The following FGFR3 variants were observed in gnomAD, a reference collection of about 807,000 sequenced individuals.
The protein encoded by FGFR3 is FGFR-3.
FGFR3 carries 25 observed loss-of-function variants against 82.9 expected under a neutral mutation model. The observed-to-expected ratio is 0.30, with a 90% confidence interval of 0.22 to 0.42. FGFR3 has a LOEUF of 0.42. Ranked by LOEUF, FGFR3 falls within the 10% of genes least tolerant of loss-of-function variation. The pLI is 1.00. For missense variants in FGFR3, 1,026 were observed against 1,161.0 expected (o/e 0.88, Z 1.69); for synonymous variants, 620 against 516.0 (o/e 1.20, Z -2.73).
intron 2 of FGFR3, among the ~76,000 whole-genome samples, chr4:1,798,667 C>T (rs1382411600): frequency 6.6e-6 from 1 of 152,170 alleles, no homozygotes; most frequent in Non-Finnish European, 1.5e-5. Context: ...TGTTCCCTGG[C>T]TGTCCATCTG....
At chr4:1,797,392 G>C (rs3135857) in intron 2 of FGFR3, among the ~76,000 whole-genome samples, 2 of 152,186 alleles carry the variant, frequency 1.3e-5, no homozygotes, top group African/African-American at 4.8e-5. Flanking sequence ...GCAGGCAGTG[G>C]GGGGGGCAGT....
chr4:1,799,495 A>G lies in FGFR3; in HGVS notation c.351A>G (p.Val117=). 1.3e-6 allele frequency: 2 copies of G among 1,565,838 alleles called. No individual in the cohort carries two copies. Among genetic ancestry groups the G allele is most frequent in the South Asian group, 2.3e-5 (2 of 86,500 alleles). The change falls in exon 3 of 18, where the codon GTA becomes GTG. Residue 117 remains valine (V), a synonymous_variant. Transcript: ENST00000440486. ...GCCGGCAGCGGCTCACGCAGCGCGT[A>G]CTGTGCCACTTCAGTGTGCGGGTGA... ...YSCRQRLTQR[V]LCHFSVRVTD...
At chr4:1,796,865 G>A (rs1720576412) in intron 2 of FGFR3, among the ~76,000 whole-genome samples, 1 of 152,188 alleles carries the variant, frequency 6.6e-6, no homozygotes, top group Admixed American at 6.5e-5. Flanking sequence ...TGTGGGGTGG[G>A]ATTTTTACTT....
chr4:1,801,245 T>G, intron 4 of FGFR3, 122 bp from the exon 5 acceptor site: 1 of 1,155,022 alleles, frequency 8.7e-7, no homozygotes. Context: ...TCCCGCCCTC[T>G]TCCTACACAG....
At position 1,807,731 on chromosome 4, in the gene FGFR3, T is replaced by C; in HGVS notation, c.*469T>C. On this transcript the variant is annotated 3_prime_UTR_variant, in exon 18 of 18. Transcript: ENST00000440486. ...CATGTCCAGCACCTTGTGCCTGGGGTGTTAGTGGCACCGCCTCCCCACCTC... is the reference window on the plus strand; with the variant it reads ...CATGTCCAGCACCTTGTGCCTGGGGCGTTAGTGGCACCGCCTCCCCACCTC... The C allele has an allele frequency of 1.7e-6, 1 of 598,470 alleles. No individual in the cohort carries two copies. The highest frequency in any genetic ancestry group is 3.2e-6 in the Non-Finnish European group (1 of 309,320). 37.1% of individuals were successfully genotyped at this position (598,470 alleles called of 1,614,324 possible).
chr4:1,802,592 G>A (rs1240689588), intron 7 of FGFR3, among the ~76,000 whole-genome samples: 1 of 152,230 alleles, frequency 6.6e-6, no homozygotes, highest in Non-Finnish European at 1.5e-5. Context: ...AGCAGGCGCA[G>A]GGCGAGGGTG....
intron 7 of FGFR3, among the ~76,000 whole-genome samples, chr4:1,803,319 G>C (rs565987432): frequency 6.6e-6 from 1 of 152,006 alleles, no homozygotes; most frequent in Non-Finnish European, 1.5e-5. Flanking sequence ...GGCCGGCTCC[G>C]TGCCGTCTGT....
rs2305182 is a variant in FGFR3 at position 1,801,542 on chromosome 4, C to A, written c.615+6C>A. On this transcript the variant is annotated splice_donor_region_variant and intron_variant, in intron 5 of 17. Transcript: ENST00000440486. ...ACCGCATTGGAGGCATCAAGGTGGG[C>A]GCGGCGGGGTGGCTCTGGGCCTGGC... 5.8e-4 allele frequency: 911 copies of A among 1,575,988 alleles called. 10 individuals carry two copies. In the East Asian group the frequency reaches 0.015, roughly 27 times the overall value.
intron 8 of FGFR3, 37 bp from the exon 9 acceptor site, chr4:1,804,293 G>GT: frequency 1.3e-6 from 2 of 1,552,882 alleles, no homozygotes; most frequent in Non-Finnish European, 1.7e-6. Flanking sequence ...CGTGGGGGGG[G>GT]GGGCCAGGCC....
chr4:1,808,548 A>C lies in FGFR3; in HGVS notation c.*1286A>C. 4.4e-6 allele frequency: 1 copy of C among 229,616 alleles called. No homozygotes were observed. The highest frequency in any genetic ancestry group is 8.7e-6 in the Non-Finnish European group (1 of 115,556). The allele number at this position is 229,616 out of a possible 1,614,324, so 14.2% of individuals were successfully genotyped here. A position where few individuals can be genotyped will look rare whatever the true frequency, so the allele number is the denominator to read the frequency against. On this transcript the variant is annotated 3_prime_UTR_variant, in exon 18 of 18. Coordinates refer to ENST00000440486, the MANE Select transcript of FGFR3 (RefSeq NM_000142.5). Reference sequence around the variant, plus strand: ...ATGTTACAAGTTTATATATATCTATATATATAATTTATTGAGTTTTTACAA... The same window carrying C: ...ATGTTACAAGTTTATATATATCTATCTATATAATTTATTGAGTTTTTACAA...
chr4:1,797,886 C>G (rs1417144199), intron 2 of FGFR3, among the ~76,000 whole-genome samples: 1 of 152,148 alleles, frequency 6.6e-6, no homozygotes, highest in Non-Finnish European at 1.5e-5. Context: ...GAGGGCCTGG[C>G]CGGGCAGCCA....
rs1489273338 is a variant in FGFR3 at position 1,807,345 on chromosome 4, TCA to T, written c.*84_*85del. 9 of 1,514,488 alleles carry T rather than the reference TCA, an allele frequency of 5.9e-6. No homozygotes were observed. In the South Asian group the frequency reaches 1.1e-4, roughly 18 times the overall value. The allele number at this position is 1,514,488 out of a possible 1,614,324, so 93.8% of individuals were successfully genotyped here. A position where few individuals can be genotyped will look rare whatever the true frequency, so the allele number is the denominator to read the frequency against. On this transcript the variant is annotated 3_prime_UTR_variant, in exon 18 of 18. Coordinates refer to ENST00000440486, the MANE Select transcript of FGFR3 (RefSeq NM_000142.5). ...GCACAGCCACTCCCCGGCATGAGAC[TCA>T]GTGCAGATGGAGAGACAGCTACACA...
Position 1,804,531 on chromosome 4 carries a change from G to A in FGFR3, c.1266+11G>A, listed in dbSNP as rs1468114109. 3 of 1,611,392 alleles carry A rather than the reference G, an allele frequency of 1.9e-6. No homozygotes were observed. In the Admixed American group the frequency reaches 5.0e-5, roughly 27 times the overall value. On this transcript the variant is annotated intron_variant, in intron 9 of 17. Coordinates refer to ENST00000440486, the MANE Select transcript of FGFR3 (RefSeq NM_000142.5). ...CCGCTCAAGCGACAGGTAACAGAAA[G>A]TAGATACCAGGTTCTGAGCTGCCTG...
At chr4:1,799,131 G>A in intron 2 of FGFR3, 123 bp from the exon 3 acceptor site, 5 of 1,375,022 alleles carry the variant, frequency 3.6e-6, no homozygotes, top group Non-Finnish European at 5.1e-6. Flanking sequence ...CCCTGGTCTG[G>A]TGGGACCCTG....
At chr4:1,800,718 G>A (rs957148040) in intron 4 of FGFR3, among the ~76,000 whole-genome samples, 3 of 152,084 alleles carry the variant, frequency 2.0e-5, no homozygotes, top group South Asian at 2.1e-4. Context: ...CCCTCCTGGG[G>A]AATGCCAGCC....
At chr4:1,799,944 C>G in intron 4 of FGFR3, 132 bp downstream of exon 4, 1 of 996,538 alleles carries the variant, frequency 1.0e-6, no homozygotes. Context: ...AAGGTCTGGT[C>G]CCCTCAGGAT....
Position 1,808,738 on chromosome 4 carries a change from G to T in FGFR3, c.*1476G>T, listed in dbSNP as rs555552048. ...GCAGCTGTCCCTTGCTTGCCTGCAGGGCCATGGCTCAGGGTGGTCTCTTCT... is the reference window on the plus strand; with the variant it reads ...GCAGCTGTCCCTTGCTTGCCTGCAGTGCCATGGCTCAGGGTGGTCTCTTCT... On this transcript the variant is annotated 3_prime_UTR_variant, in exon 18 of 18. Coordinates refer to ENST00000440486, the MANE Select transcript of FGFR3 (RefSeq NM_000142.5). 8 of 232,128 alleles carry T rather than the reference G, an allele frequency of 3.4e-5. No individual in the cohort carries two copies. In the East Asian group the frequency reaches 4.9e-4, roughly 14 times the overall value. The allele number at this position is 232,128 out of a possible 1,614,324, so 14.4% of individuals were successfully genotyped here. A position where few individuals can be genotyped will look rare whatever the true frequency, so the allele number is the denominator to read the frequency against.
In FGFR3 at chr4:1,794,025, G is replaced by A; in HGVS notation, c.91G>A (p.Val31Ile). 1 of 1,413,800 alleles carries A rather than the reference G, an allele frequency of 7.1e-7. No individual in the cohort carries two copies. Among genetic ancestry groups the A allele is most frequent in the Non-Finnish European group, 9.3e-7 (1 of 1,071,754 alleles). The allele number at this position is 1,413,800 out of a possible 1,614,324, so 87.6% of individuals were successfully genotyped here. ...SSESLGTEQRVVGRAAEVPGP... is the reference protein window; with the variant it reads ...SSESLGTEQRIVGRAAEVPGP... Reference sequence around the variant, plus strand: ...GGAGTCCTTGGGGACGGAGCAGCGCGTCGTGGGGCGAGCGGCAGGTAAGAA... The same window carrying A: ...GGAGTCCTTGGGGACGGAGCAGCGCATCGTGGGGCGAGCGGCAGGTAAGAA... The change falls in exon 2 of 18, where the codon GTC (valine) becomes ATC (isoleucine). Residue 31 changes from valine to isoleucine, a missense_variant. Around this residue, in one of 9 missense-constraint regions of FGFR3, gnomAD observed 226 missense variants for 222.0 expected, o/e 1.02. Transcript: ENST00000440486.
Position 1,806,886 on chromosome 4 carries a change from G to T in FGFR3, c.2226G>T (p.Lys742Asn). ...HAAPSQRPTF[K>N]QLVEDLDRVL... is the part of the protein sequence containing the mutation. Reference sequence around the variant, plus strand: ...CGCCCTCCCAGAGGCCCACCTTCAAGCAGCTGGTGGAGGACCTGGACCGTG... The same window carrying T: ...CGCCCTCCCAGAGGCCCACCTTCAATCAGCTGGTGGAGGACCTGGACCGTG... The change falls in exon 17 of 18, where the codon AAG becomes AAT. Residue 742 changes from lysine to asparagine, a missense_variant. Coordinates refer to ENST00000440486, the MANE Select transcript of FGFR3 (RefSeq NM_000142.5). 1 of 1,611,794 alleles carries T rather than the reference G, an allele frequency of 6.2e-7. No homozygotes were observed.
Sources: allele counts gnomAD v4.1 joint callset (sites outside exome capture counted in the v4.1 genomes callset), GRCh38; gene constraint gnomAD v4.1.1; regional missense constraint gnomAD v4.1.1; transcripts MANE v1.5; gene names NCBI Gene and HGNC (gene_info 2026-07-23, HGNC 2026-07-21).